Variants in OR51B5 observed in about 807,000 individuals in gnomAD.
OR51B5 encodes olfactory receptor family 51 subfamily B member 5.
For missense variants in OR51B5, 456 were observed against 374.6 expected (o/e 1.22, Z -1.79); for synonymous variants, 186 against 144.8 (o/e 1.28, Z -2.04).
At chr11:5,344,920 G>A (rs754886203), upstream of OR51B5, among the ~76,000 whole-genome samples, 1 of 152,154 alleles carries the variant, frequency 6.6e-6, no homozygotes, top group Admixed American at 6.5e-5. Context: ...GAGGGGCCTA[G>A]AACTGCACCT....
chr11:5,401,810 T>TTTTC (rs10646594), intron 1 of OR51B5, among the ~76,000 whole-genome samples: 137,830 of 150,364 alleles, frequency 0.92, 63,782 homozygotes, highest in Non-Finnish European at 0.98. Flanking sequence ...ATAATCTTTC[T>TTTTC]TTTCTTTCTT....
chr11:5,346,376 A>G (rs890231526), upstream of OR51B5: 8 of 152,146 alleles, frequency 5.3e-5, no homozygotes, highest in Admixed American at 4.6e-4. Context: ...ACAATGAGAG[A>G]AGAGATAAAA....
intron 1 of OR51B5, among the ~76,000 whole-genome samples, chr11:5,429,485 C>T (rs891517716): frequency 3.9e-5 from 6 of 152,222 alleles, no homozygotes; most frequent in Middle Eastern, 3.4e-3. Flanking sequence ...AAAGTGAGTG[C>T]GAATGATCAG....
chr11:5,475,004 CAATA>C (rs1013676078), intron 1 of OR51B5, among the ~76,000 whole-genome samples: 19 of 152,130 alleles, frequency 1.2e-4, no homozygotes, highest in African/African-American at 4.6e-4. Context: ...GGAGTAAGCT[CAATA>C]AATAGGTGTT....
chr11:5,351,379 T>C (rs1048692941), intron 1 of OR51B5: 11 of 658,312 alleles, frequency 1.7e-5, no homozygotes, highest in Non-Finnish European at 2.9e-5. Context: ...ATTATCATCC[T>C]TGCTGTCACT....
At chr11:5,417,610 G>A (rs543733381) in intron 1 of OR51B5, among the ~76,000 whole-genome samples, 205 of 151,246 alleles carry the variant, frequency 1.4e-3, no homozygotes, top group African/African-American at 2.8e-3. Flanking sequence ...AAAAGTGGGC[G>A]AAGGACATGA....
intron 1 of OR51B5, among the ~76,000 whole-genome samples, chr11:5,480,791 T>C (rs1851406589): frequency 7.4e-6 from 1 of 135,800 alleles, no homozygotes; most frequent in Non-Finnish European, 1.6e-5. Flanking sequence ...ACATACACTC[T>C]CCCAAGACTA....
At chr11:5,476,938 G>C (rs984483208) in intron 1 of OR51B5, among the ~76,000 whole-genome samples, 1 of 152,142 alleles carries the variant, frequency 6.6e-6, no homozygotes, top group African/African-American at 2.4e-5. Flanking sequence ...TTGGTCAAAA[G>C]GTACAAAGTT....
intron 1 of OR51B5, among the ~76,000 whole-genome samples, chr11:5,376,919 C>G (rs1216616186): frequency 6.7e-6 from 1 of 149,920 alleles, no homozygotes; most frequent in Admixed American, 6.7e-5. Context: ...GAAACTATTC[C>G]AATCAACAGA....
intron 1 of OR51B5, among the ~76,000 whole-genome samples, chr11:5,492,631 T>C (rs779398732): frequency 6.6e-6 from 1 of 152,132 alleles, no homozygotes. Flanking sequence ...AGAGCCAAGA[T>C]TACCAACTCT....
At chr11:5,441,425 G>A in intron 1 of OR51B5, 1 of 1,613,910 alleles carries the variant, frequency 6.2e-7, no homozygotes, top group South Asian at 1.1e-5. Flanking sequence ...AGAAAATCAG[G>A]GCAACCCAGG....
At chr11:5,454,479 T>C (rs1191789954) in intron 1 of OR51B5, 2 of 1,372,788 alleles carry the variant, frequency 1.5e-6, no homozygotes, top group Non-Finnish European at 2.0e-6. Flanking sequence ...CTCTCATCAG[T>C]AGCATCGTCA....
chr11:5,347,642 C>A (rs1025570084), upstream of OR51B5, among the ~76,000 whole-genome samples: 2 of 151,858 alleles, frequency 1.3e-5, no homozygotes, highest in African/African-American at 4.9e-5. Context: ...AAATATTCAA[C>A]CTCCAACAGA....
At chr11:5,456,952 C>G (rs1850969017) in intron 1 of OR51B5, among the ~76,000 whole-genome samples, 1 of 152,188 alleles carries the variant, frequency 6.6e-6, no homozygotes, top group Admixed American at 6.5e-5. Context: ...TCAGATGTGC[C>G]TGCTCCATCT....
chr11:5,405,166 CAT>C (rs1485759426), intron 1 of OR51B5, among the ~76,000 whole-genome samples: 2 of 152,162 alleles, frequency 1.3e-5, no homozygotes, highest in Non-Finnish European at 2.9e-5. Context: ...AGATTTTTAA[CAT>C]AAAATATATA....
chr11:5,343,689 A>C (rs1234952033), upstream of OR51B5: 4 of 522,466 alleles, frequency 7.7e-6, no homozygotes, highest in Non-Finnish European at 1.3e-5. Flanking sequence ...TCTCAGGGTT[A>C]CTCATACTAT....
intron 1 of OR51B5, among the ~76,000 whole-genome samples, chr11:5,487,691 G>T: frequency 6.6e-6 from 1 of 152,144 alleles, no homozygotes; most frequent in East Asian, 1.9e-4. Context: ...CCCTTTATGG[G>T]TGGTAAATCC....
At chr11:5,469,714 C>T (rs1232208547) in intron 1 of OR51B5, among the ~76,000 whole-genome samples, 3 of 152,084 alleles carry the variant, frequency 2.0e-5, no homozygotes, top group East Asian at 1.9e-4. Flanking sequence ...TAGTTTTTTA[C>T]ATTGGTTGAC....
chr11:5,416,541 C>T (rs993189217), intron 1 of OR51B5, among the ~76,000 whole-genome samples: 89 of 151,434 alleles, frequency 5.9e-4, no homozygotes, highest in South Asian at 1.3e-3. Context: ...TTGTCTCAGC[C>T]CAAAATCTCC....
Sources: gnomAD v4.1 joint callset for allele counts (sites outside exome capture counted in the v4.1 genomes callset) on GRCh38, gnomAD v4.1.1 for gene constraint, MANE v1.5 for transcripts, NCBI Gene and HGNC (gene_info 2026-07-23, HGNC 2026-07-21) for gene names.